The following SLC38A6 variants were observed in gnomAD, a reference collection of about 807,000 sequenced individuals.
SLC38A6 encodes the protein N system amino acid transporter NAT-1.
Under a neutral mutation model 65.0 loss-of-function variants are expected in SLC38A6, and 73 were observed. That is an observed-to-expected ratio of 1.12 (90% CI 0.93 to 1.37). The LOEUF (loss-of-function observed/expected upper bound fraction) is 1.37. SLC38A6 is among the 40% of genes most tolerant of loss of function. SLC38A6 has a pLI of 0.00. For synonymous variants in SLC38A6, 183 were observed against 178.8 expected (o/e 1.02, Z -0.19); for missense variants, 561 against 531.1 (o/e 1.06, Z -0.55).
Position 61,067,398 on chromosome 14 carries a change from G to A in SLC38A6, c.1291-11412G>A, listed in dbSNP as rs2043057923. On this transcript the variant is annotated intron_variant, in intron 15 of 16. Transcript: ENST00000354886. ...CCATGTTGTCTCTTCTGCCGTCTCT[G>A]CTTCAGACATTTAGTCAGCAGCCTG... 2.0e-5 allele frequency among the ~76,000 whole-genome samples: 3 copies of A among 152,092 alleles called. No homozygotes were observed. The South Asian group carries it at 6.2e-4, about 31-fold the overall frequency.
chr14:61,076,908 C>G (rs536096046), intron 15 of SLC38A6, among the ~76,000 whole-genome samples: 1 of 152,124 alleles, frequency 6.6e-6, no homozygotes, highest in African/African-American at 2.4e-5. Flanking sequence ...GGATGTCTTA[C>G]GAAACAATGT....
In SLC38A6 at chr14:61,061,238, A is replaced by T. The variant is rs545462973; in HGVS notation, c.1290+9103A>T. Reference sequence around the variant, plus strand: ...TAGTTCTGTTTATGTGATGAATCACATTTATTGATTTGCATATGTTGAACC... The same window carrying T: ...TAGTTCTGTTTATGTGATGAATCACTTTTATTGATTTGCATATGTTGAACC... On this transcript the variant is annotated intron_variant, in intron 15 of 16. Coordinates refer to the SLC38A6 transcript ENST00000354886. Among the ~76,000 whole-genome samples the T allele has an allele frequency of 5.9e-5, 9 of 152,302 alleles. No homozygotes were observed. The South Asian group carries it at 1.9e-3, about 32-fold the overall frequency.
At position 61,013,916 on chromosome 14, in the gene SLC38A6, T is replaced by A. The variant is rs1021775325; in HGVS notation, c.311-1988T>A. On this transcript the variant is annotated intron_variant, in intron 3 of 15. Transcript: ENST00000267488. ...AGTGGCGTTCTCTGTATTTCCTGAATGTGAATGTTGGCCTGCCTTGCTAGG... is the reference window on the plus strand; with the variant it reads ...AGTGGCGTTCTCTGTATTTCCTGAAAGTGAATGTTGGCCTGCCTTGCTAGG... Among the ~76,000 whole-genome samples the A allele has an allele frequency of 2.0e-5, 3 of 152,234 alleles. No homozygotes were observed. The East Asian group carries it at 5.8e-4, about 29-fold the overall frequency.
intron 3 of SLC38A6, among the ~76,000 whole-genome samples, chr14:61,007,641 CA>C (rs1040230786): frequency 6.6e-6 from 1 of 151,514 alleles, no homozygotes; most frequent in Non-Finnish European, 1.5e-5. Context: ...GACCCTGTCT[CA>C]AAAAAATAAG....
At chr14:61,010,736 G>GTA (rs899125672) in intron 3 of SLC38A6, among the ~76,000 whole-genome samples, 8 of 152,052 alleles carry the variant, frequency 5.3e-5, no homozygotes, top group African/African-American at 1.9e-4. Context: ...TGTTCCATTG[G>GTA]TATATATATC....
intron 5 of SLC38A6, 140 bp downstream of exon 5, chr14:61,019,720 C>CTT: frequency 1.7e-4 from 102 of 608,926 alleles, no homozygotes; most frequent in South Asian, 3.1e-4. Context: ...CCTCTTTACT[C>CTT]TTTTTTTTTT....
intron 5 of SLC38A6, among the ~76,000 whole-genome samples, chr14:61,027,799 A>G (rs2040692720): frequency 1.3e-5 from 2 of 152,040 alleles, no homozygotes; most frequent in Non-Finnish European, 2.9e-5. Flanking sequence ...TAATTTTCAT[A>G]GTGAATAGAA....
rs563541030 is a variant in SLC38A6, at chr14:61,029,379, A to T, written c.404-1066A>T. On this transcript the variant is annotated intron_variant, in intron 5 of 15. Coordinates refer to ENST00000267488, the MANE Select transcript of SLC38A6 (RefSeq NM_153811.3). Reference sequence around the variant, plus strand: ...ACCATGTTGGCCAGGCTGGTCTCGAACTCCTGACCTCGTCAACCGCCCGCC... The same window carrying T: ...ACCATGTTGGCCAGGCTGGTCTCGATCTCCTGACCTCGTCAACCGCCCGCC... 5.9e-5 allele frequency among the ~76,000 whole-genome samples: 9 copies of T among 151,826 alleles called. No homozygotes were observed. The East Asian group carries it at 1.8e-3, about 30-fold the overall frequency.
At chr14:60,990,427 C>T (rs1181648183) in intron 3 of SLC38A6, among the ~76,000 whole-genome samples, 3 of 152,138 alleles carry the variant, frequency 2.0e-5, no homozygotes, top group Non-Finnish European at 4.4e-5. Context: ...GCCTCCGTGA[C>T]ATCTCCACTT....
chr14:61,044,202 G>A (rs749805517), intron 10 of SLC38A6, among the ~76,000 whole-genome samples: 12 of 152,102 alleles, frequency 7.9e-5, no homozygotes, highest in Non-Finnish European at 1.5e-4. Context: ...ATGCTATTTT[G>A]TATAGTTCCC....
At chr14:61,007,468 A>G (rs1386183608) in intron 3 of SLC38A6, among the ~76,000 whole-genome samples, 1 of 152,078 alleles carries the variant, frequency 6.6e-6, no homozygotes, top group Non-Finnish European at 1.5e-5. Context: ...TGCCTATACA[A>G]AAAGTAAAAA....
intron 3 of SLC38A6, among the ~76,000 whole-genome samples, chr14:60,994,470 G>A (rs577108030): frequency 3.3e-5 from 5 of 151,594 alleles, no homozygotes; most frequent in South Asian, 2.1e-4. Flanking sequence ...GCTTGAACCC[G>A]GGAGTTGGAG....
chr14:61,083,629 G>A (rs1671606448), exon 17 of SLC38A6: 5 of 1,550,388 alleles, frequency 3.2e-6, no homozygotes, highest in African/African-American at 1.4e-5. Flanking sequence ...CTGTTTACAA[G>A]CCAAGGGAAG....
chr14:61,078,153 G>A (rs2043493352), intron 15 of SLC38A6, among the ~76,000 whole-genome samples: 1 of 152,196 alleles, frequency 6.6e-6, no homozygotes, highest in Non-Finnish European at 1.5e-5. Flanking sequence ...ATCTGTGCGT[G>A]CTTGTTGAAA....
intron 4 of SLC38A6, among the ~76,000 whole-genome samples, chr14:61,017,953 A>G (rs2040117639): frequency 6.6e-6 from 1 of 152,152 alleles, no homozygotes. Flanking sequence ...AATTTTTTGA[A>G]ATGTTTTGAA....
At chr14:61,023,079 A>G (rs534687600) in intron 5 of SLC38A6, among the ~76,000 whole-genome samples, 56 of 152,328 alleles carry the variant, frequency 3.7e-4, no homozygotes, top group African/African-American at 1.3e-3. Context: ...TATTTGTTGA[A>G]TGAATTGGAC....
At chr14:60,984,517 T>A (rs1427487776) in intron 2 of SLC38A6, among the ~76,000 whole-genome samples, 1 of 151,910 alleles carries the variant, frequency 6.6e-6, no homozygotes, top group South Asian at 2.1e-4. Flanking sequence ...TATTTTTTTT[T>A]ATTTTAAAAT....
chr14:61,050,471 C>T, intron 12 of SLC38A6, 41 bp from the exon 13 acceptor site: 1 of 1,363,496 alleles, frequency 7.3e-7, no homozygotes, highest in Non-Finnish European at 1.0e-6. Context: ...CTATTGATAC[C>T]TTAGTACTTT....
intron 3 of SLC38A6, among the ~76,000 whole-genome samples, chr14:61,001,410 T>G (rs191217733): frequency 5.1e-4 from 78 of 152,332 alleles, no homozygotes; most frequent in Non-Finnish European, 8.1e-4. Flanking sequence ...GAAGCTGAAT[T>G]TTTTGTTATT....
Sources: gnomAD v4.1 joint callset for allele counts (sites outside exome capture counted in the v4.1 genomes callset) on GRCh38, gnomAD v4.1.1 for gene constraint, MANE v1.5 for transcripts, NCBI Gene and HGNC (gene_info 2026-07-23, HGNC 2026-07-21) for gene names.